Variants in NDST4 observed in about 807,000 individuals in gnomAD.
NDST4 encodes N-heparan sulfate sulfotransferase 4.
In NDST4, 63 loss-of-function variants were observed where a neutral mutation model predicts 100.8. That is an observed-to-expected ratio of 0.62 (90% CI 0.51 to 0.77). The LOEUF is 0.77. Among genes scored for constraint, NDST4 ranks in the 30% least tolerant of loss-of-function variants. NDST4 has a pLI of 0.00. For synonymous variants in NDST4, 377 were observed against 361.8 expected, an observed-to-expected ratio of 1.04 and a Z score of -0.48; for missense variants, 943 against 1,018.4, an observed-to-expected ratio of 0.93 and a Z score of 1.01.
intron 6 of NDST4, among the ~76,000 whole-genome samples, chr4:114,880,808 T>C (rs1724351251): frequency 6.6e-6 from 1 of 152,156 alleles, no homozygotes. Context: ...ATCACACAGC[T>C]GCTTGGGGCA....
At chr4:114,994,669 A>G (rs1727121065) in intron 2 of NDST4, among the ~76,000 whole-genome samples, 3 of 152,172 alleles carry the variant, frequency 2.0e-5, no homozygotes, top group Non-Finnish European at 4.4e-5. Flanking sequence ...TTACCGAACC[A>G]TTGTATACAG....
chr4:114,885,456 G>A lies in NDST4; in HGVS notation c.1537-14506C>T, dbSNP rs373545107. Among the ~76,000 whole-genome samples, 10 of 152,176 alleles carry A rather than the reference G, an allele frequency of 6.6e-5. No individual in the cohort carries two copies. In the South Asian group the frequency reaches 1.0e-3, roughly 16 times the overall value. Reference sequence around the variant, plus strand: ...GAAACCTAGATTTTGTGTTGACAGAGCATTAATTTTAATAATGACAAATTG... The same window carrying A: ...GAAACCTAGATTTTGTGTTGACAGAACATTAATTTTAATAATGACAAATTG... On this transcript the variant is annotated intron_variant, in intron 6 of 13. Transcript: ENST00000264363.
chr4:114,845,284 A>T (rs922386718), intron 10 of NDST4, among the ~76,000 whole-genome samples: 11 of 152,072 alleles, frequency 7.2e-5, no homozygotes, highest in African/African-American at 2.7e-4. Flanking sequence ...GTGAGCTATG[A>T]TCACGCCACT....
chr4:114,977,115 C>A, intron 3 of NDST4, 72 bp downstream of exon 3: 1 of 938,164 alleles, frequency 1.1e-6, no homozygotes, highest in Non-Finnish European at 1.6e-6. Context: ...TCTATCTCTA[C>A]CACTTATGAA....
intron 6 of NDST4, among the ~76,000 whole-genome samples, chr4:114,911,435 T>C (rs1194514964): frequency 6.6e-6 from 1 of 152,226 alleles, no homozygotes; most frequent in Non-Finnish European, 1.5e-5. Context: ...CATGCTAATA[T>C]ATGTAACTCC....
intron 10 of NDST4, 138 bp downstream of exon 10, chr4:114,845,684 TA>T: frequency 1.5e-6 from 1 of 663,562 alleles, no homozygotes; most frequent in South Asian, 3.1e-5. Context: ...ATATTTCTCA[TA>T]TTTTTTGGTG....
At chr4:114,881,931 A>G (rs2126201525) in intron 6 of NDST4, among the ~76,000 whole-genome samples, 1 of 151,388 alleles carries the variant, frequency 6.6e-6, no homozygotes, top group African/African-American at 2.5e-5. Context: ...TGCATTAGGA[A>G]GCATTGACAA....
chr4:115,075,749 A>G (rs1002678346), intron 2 of NDST4, among the ~76,000 whole-genome samples: 1 of 145,080 alleles, frequency 6.9e-6, no homozygotes, highest in Non-Finnish European at 1.5e-5. Context: ...ATGCCACTGC[A>G]CTCCAGCCTG....
intron 2 of NDST4, among the ~76,000 whole-genome samples, chr4:115,015,616 C>T (rs1416421169): frequency 2.6e-5 from 4 of 151,942 alleles, no homozygotes; most frequent in Non-Finnish European, 4.4e-5. Flanking sequence ...TATTTGTATT[C>T]CATATGAACG....
At chr4:115,065,063 A>G (rs558020660) in intron 2 of NDST4, among the ~76,000 whole-genome samples, 2 of 152,088 alleles carry the variant, frequency 1.3e-5, no homozygotes, top group African/African-American at 4.8e-5. Context: ...AACAATAGTG[A>G]TGACATTGTA....
intron 2 of NDST4, among the ~76,000 whole-genome samples, chr4:115,067,729 C>A (rs575994172): frequency 6.5e-4 from 97 of 148,302 alleles, no homozygotes; most frequent in Non-Finnish European, 1.2e-3. Flanking sequence ...TTATCATTTT[C>A]TTTTTTTTTT....
intron 2 of NDST4, among the ~76,000 whole-genome samples, chr4:115,071,929 A>C (rs188682451): frequency 6.6e-6 from 1 of 152,150 alleles, no homozygotes; most frequent in East Asian, 1.9e-4. Context: ...AATTCCATTC[A>C]AATTTCTCAT....
At chr4:114,883,908 T>C (rs983274746) in intron 6 of NDST4, among the ~76,000 whole-genome samples, 3 of 152,118 alleles carry the variant, frequency 2.0e-5, no homozygotes, top group Non-Finnish European at 2.9e-5. Context: ...ACCGCTGATC[T>C]GACAGAGGCA....
chr4:114,912,774 T>G (rs1725089720), intron 6 of NDST4, among the ~76,000 whole-genome samples: 1 of 152,160 alleles, frequency 6.6e-6, no homozygotes, highest in African/African-American at 2.4e-5. Context: ...TCTGCTTCAC[T>G]GTTTGGGTCA....
intron 1 of NDST4, among the ~76,000 whole-genome samples, chr4:115,097,240 A>C (rs922594910): frequency 2.0e-5 from 3 of 152,132 alleles, no homozygotes; most frequent in African/African-American, 7.2e-5. Context: ...TAAATCTATT[A>C]CCAACTCCTG....
At chr4:115,095,892 C>T (rs1294834757) in intron 1 of NDST4, among the ~76,000 whole-genome samples, 2 of 151,870 alleles carry the variant, frequency 1.3e-5, no homozygotes, top group South Asian at 2.1e-4. Flanking sequence ...ATATATTGTG[C>T]TATCCAATCA....
intron 2 of NDST4, among the ~76,000 whole-genome samples, chr4:115,060,098 A>G (rs1224455610): frequency 6.6e-6 from 1 of 152,054 alleles, no homozygotes; most frequent in African/African-American, 2.4e-5. Flanking sequence ...GCAGTAATAA[A>G]TAGTGGCTAT....
chr4:115,017,839 AC>A (rs1243431102), intron 2 of NDST4, among the ~76,000 whole-genome samples: 1 of 151,938 alleles, frequency 6.6e-6, no homozygotes, highest in Non-Finnish European at 1.5e-5. Flanking sequence ...CCAGTGCCCA[AC>A]CACATAGCCT....
intron 6 of NDST4, among the ~76,000 whole-genome samples, chr4:114,906,254 G>T (rs1724946743): frequency 6.6e-6 from 1 of 151,960 alleles, no homozygotes; most frequent in South Asian, 2.1e-4. Context: ...GAAAAATTGT[G>T]CAGAAAAGCT....
Sources: allele counts gnomAD v4.1 joint callset (sites outside exome capture counted in the v4.1 genomes callset), GRCh38; gene constraint gnomAD v4.1.1; transcripts MANE v1.5; gene names NCBI Gene and HGNC (gene_info 2026-07-23, HGNC 2026-07-21).